Variants in DSC3 observed in about 807,000 individuals in gnomAD.
DSC3 encodes the protein desmocollin-3.
DSC3 carries 97 observed loss-of-function variants against 89.5 expected under a neutral mutation model. That is an observed-to-expected ratio of 1.08 (90% CI 0.92 to 1.28). The LOEUF (loss-of-function observed/expected upper bound fraction) is 1.28, where lower values mean the gene tolerates loss of function less well. Among genes scored for constraint, DSC3 ranks in the 50% most tolerant of loss-of-function variants. The pLI, the probability that DSC3 is intolerant of heterozygous loss-of-function variation, is 0.00. For missense variants in DSC3, 1,199 were observed against 1,085.3 expected, an observed-to-expected ratio of 1.10 and a Z score of -1.47; for synonymous variants, 436 against 384.1, an observed-to-expected ratio of 1.14 and a Z score of -1.58.
intron 5 of DSC3, among the ~76,000 whole-genome samples, 186 bp from the exon 6 acceptor site, chr18:31,024,679 T>C (rs749976788): frequency 2.0e-5 from 3 of 152,132 alleles, no homozygotes; most frequent in East Asian, 1.9e-4. Flanking sequence ...GAGCATCCAG[T>C]ATGTGATGGA....
At chr18:31,001,171 A>G (rs1984647275) in intron 14 of DSC3, among the ~76,000 whole-genome samples, 1 of 150,202 alleles carries the variant, frequency 6.7e-6, no homozygotes, top group Admixed American at 6.6e-5. Context: ...ATATATAAGG[A>G]AAGAGAGTGG....
At position 31,022,360 on chromosome 18, in the gene DSC3, T is replaced by C. The variant is rs772233529; in HGVS notation, c.918A>G (p.Thr306=). 6.8e-6 allele frequency: 11 copies of C among 1,614,024 alleles called. No homozygotes were observed. Among genetic ancestry groups the C allele is most frequent in the African/African-American group, 1.3e-5 (1 of 75,024 alleles). ...SVHPSTGVIT[T]VSHYLDREVV... is the part of the protein sequence containing the mutation. ...CCTCTCTGTCCAAATAATGAGAGAC[T>C]GTGGTGATTACGCCTGTGCTGGGAT... Residue 306 remains threonine, a synonymous_variant, in exon 7 of 16, where the codon ACA becomes ACG. Coordinates refer to ENST00000360428, the MANE Select transcript of DSC3 (RefSeq NM_001941.5).
At chr18:31,005,480 T>G (rs1306217898) in intron 12 of DSC3, among the ~76,000 whole-genome samples, 1 of 152,198 alleles carries the variant, frequency 6.6e-6, no homozygotes, top group South Asian at 2.1e-4. Flanking sequence ...GTACCAAGGT[T>G]AGTCCCCTCA....
rs1291728738 is a variant in DSC3, at chr18:30,992,760, C to T, written c.*1415G>A. Reference sequence around the variant, plus strand: ...TATTTCTTCTATTATTTTAAAATTTCTCTGGAGAAAGCAAACTGATTAAAA... The same window carrying T: ...TATTTCTTCTATTATTTTAAAATTTTTCTGGAGAAAGCAAACTGATTAAAA... On this transcript the variant is annotated 3_prime_UTR_variant, in exon 16 of 16. Coordinates refer to ENST00000360428, the MANE Select transcript of DSC3 (RefSeq NM_001941.5). The T allele has an allele frequency of 1.3e-5, 2 of 152,134 alleles. No homozygotes were observed. Among genetic ancestry groups the T allele is most frequent in the African/African-American group, 4.8e-5 (2 of 41,438 alleles). 9.4% of individuals were successfully genotyped at this position (152,134 alleles called of 1,614,324 possible).
rs1984363117 is a variant in DSC3 at position 30,993,972 on chromosome 18, T to C, written c.*203A>G. On this transcript the variant is annotated 3_prime_UTR_variant, in exon 16 of 16. Coordinates refer to ENST00000360428, the MANE Select transcript of DSC3 (RefSeq NM_001941.5). ...TTAATTCCAGTGCTGGAGTTTGAGA[T>C]TTACCAGTTGTCTGTTTTAACATTT... The C allele has an allele frequency of 1.9e-6, 1 of 526,958 alleles. No homozygotes were observed. Among genetic ancestry groups the C allele is most frequent in the Non-Finnish European group, 3.4e-6 (1 of 294,416 alleles). 32.6% of individuals were successfully genotyped at this position (526,958 alleles called of 1,614,324 possible).
At chr18:31,002,713 A>T (rs1277407934) in intron 13 of DSC3, among the ~76,000 whole-genome samples, 1 of 151,292 alleles carries the variant, frequency 6.6e-6, no homozygotes, top group African/African-American at 2.4e-5. Flanking sequence ...AAAAAAAAAA[A>T]AAGAAAGAAA....
Position 31,018,215 on chromosome 18 carries a change from G to T in DSC3, c.1119C>A (p.Ile373=), listed in dbSNP as rs1316117160. 6.2e-7 allele frequency: 1 copy of T among 1,611,730 alleles called. No individual in the cohort carries two copies. Among genetic ancestry groups the T allele is most frequent in the Non-Finnish European group, 8.5e-7 (1 of 1,179,064 alleles). Residue 373 remains isoleucine, a synonymous_variant, in exon 9 of 16, where the codon ATC becomes ATA. Transcript: ENST00000360428. ...CCTTATCTTCTATAGGTATTCGTAAGATTTCCACATTGAATGCATTTTCCT... is the reference window on the plus strand; with the variant it reads ...CCTTATCTTCTATAGGTATTCGTAATATTTCCACATTGAATGCATTTTCCT... The part of the protein sequence containing the change: ...FVEENAFNVE[I]LRIPIEDKDL...
chr18:30,995,605 C>CA (rs779183705), intron 15 of DSC3, among the ~76,000 whole-genome samples: 1 of 152,012 alleles, frequency 6.6e-6, no homozygotes, highest in Admixed American at 6.6e-5. Context: ...ACAAAACAAA[C>CA]AAAAAACCCC....
At chr18:31,009,115 A>G (rs1984971498) in intron 9 of DSC3, among the ~76,000 whole-genome samples, 1 of 152,138 alleles carries the variant, frequency 6.6e-6, no homozygotes, top group Admixed American at 6.6e-5. Flanking sequence ...CAGTGGCGCA[A>G]TCTTGGCTTA....
At position 31,032,312 on chromosome 18, in the gene DSC3, A is replaced by T. The variant is rs770751753; in HGVS notation, c.70-36T>A. The T allele has an allele frequency of 2.7e-6, 4 of 1,480,692 alleles. No individual in the cohort carries two copies. In the African/African-American group the frequency reaches 4.1e-5, roughly 15 times the overall value. 91.7% of individuals were successfully genotyped at this position (1,480,692 alleles called of 1,614,324 possible). A position where few individuals can be genotyped will look rare whatever the true frequency, so the allele number is the denominator to read the frequency against. ...AAAGGTCACATTAATACAGTAGAAA[A>T]TAAAGATTAAAAAAAACATAATCAT... On this transcript the variant is annotated intron_variant, in intron 1 of 15. Transcript: ENST00000360428.
chr18:31,036,798 C>CTTTTTTTTTTTTTTTGTT (rs775187201), intron 1 of DSC3, among the ~76,000 whole-genome samples: 1 of 107,424 alleles, frequency 9.3e-6, no homozygotes, highest in Non-Finnish European at 1.8e-5. Context: ...TTCTTTCTTC[C>CTTTTTTTTTTTTTTTGTT]TTTTTTTTTT....
At position 31,027,464 on chromosome 18, in the gene DSC3, TTTCCTTCC is replaced by T. The variant is rs60932501; in HGVS notation, c.475-1557_475-1550del. On this transcript the variant is annotated intron_variant, in intron 4 of 15. Transcript: ENST00000360428. ...TGACAGCTCAGTTCAGATGCATTGG[TTTCCTTCC>T]TTCCTTCCTTCCTTCCTTCCTTCCT... is the stretch of plus-strand genomic sequence containing the variant. 2.3e-3 allele frequency among the ~76,000 whole-genome samples: 345 copies of T among 147,670 alleles called. 2 individuals carry two copies. Among genetic ancestry groups the T allele is most frequent in the African/African-American group, 7.8e-3 (313 of 39,958 alleles).
intron 7 of DSC3, among the ~76,000 whole-genome samples, chr18:31,021,068 T>TA (rs1164114838): frequency 1.3e-5 from 2 of 151,406 alleles, no homozygotes; most frequent in Non-Finnish European, 2.9e-5. Context: ...TTTTTTTTTT[T>TA]ATCTCCCATC....
intron 1 of DSC3, among the ~76,000 whole-genome samples, chr18:31,039,978 C>G (rs1302969912): frequency 1.3e-5 from 2 of 152,054 alleles, no homozygotes; most frequent in East Asian, 3.9e-4. Context: ...TTACTATACT[C>G]CCTTTTAATT....
At chr18:31,016,290 G>A (rs910544219) in intron 9 of DSC3, among the ~76,000 whole-genome samples, 3 of 152,152 alleles carry the variant, frequency 2.0e-5, no homozygotes, top group South Asian at 2.1e-4. Context: ...TTTGTCTGTT[G>A]CTCTAATAAG....
intron 6 of DSC3, 71 bp from the exon 7 acceptor site, chr18:31,022,573 TC>T: frequency 3.3e-6 from 5 of 1,532,214 alleles, no homozygotes; most frequent in Non-Finnish European, 4.5e-6. Context: ...GTATCTACAA[TC>T]TTAAAATGTT....
At chr18:31,015,119 G>A (rs1055723095) in intron 9 of DSC3, among the ~76,000 whole-genome samples, 2 of 152,048 alleles carry the variant, frequency 1.3e-5, no homozygotes, top group Non-Finnish European at 2.9e-5. Flanking sequence ...TAGAAACTAG[G>A]ATGTAATATC....
chr18:31,037,728 C>T (rs746804179), intron 1 of DSC3, among the ~76,000 whole-genome samples: 4 of 152,032 alleles, frequency 2.6e-5, no homozygotes, highest in African/African-American at 7.2e-5. Flanking sequence ...GGTGAAACCT[C>T]GTCTCTACTA....
chr18:31,016,090 G>T (rs961069354), intron 9 of DSC3, among the ~76,000 whole-genome samples: 1 of 152,178 alleles, frequency 6.6e-6, no homozygotes, highest in African/African-American at 2.4e-5. Context: ...GAAGTTACCT[G>T]ATATGATCTA....
Sources: allele counts gnomAD v4.1 joint callset (sites outside exome capture counted in the v4.1 genomes callset), GRCh38; gene constraint gnomAD v4.1.1; transcripts MANE v1.5; gene names NCBI Gene and HGNC (gene_info 2026-07-23, HGNC 2026-07-21).